The following CELF2 variants were observed in gnomAD, a reference collection of about 807,000 sequenced individuals.
CELF2 encodes the protein CUG triplet repeat RNA-binding protein 2.
A neutral mutation model predicts 62.6 loss-of-function variants in CELF2; 8 were observed. That is an observed-to-expected ratio of 0.13 (90% CI 0.07 to 0.23). The LOEUF (loss-of-function observed/expected upper bound fraction) is 0.23, where lower values mean the gene tolerates loss of function less well. CELF2 is among the 10% of genes least tolerant of loss of function. The pLI is 1.00. For synonymous variants in CELF2, 258 were observed against 250.0 expected (o/e 1.03, Z -0.30); for missense variants, 333 against 671.0 (o/e 0.50, Z 5.56).
chr10:10,566,540 G>T, the CELF2 span, among the ~76,000 whole-genome samples: 1 of 150,576 alleles, frequency 6.6e-6, no homozygotes, highest in Non-Finnish European at 1.5e-5. Flanking sequence ...CTAGCATTAG[G>T]TATATCTCCC....
the CELF2 span, among the ~76,000 whole-genome samples, chr10:10,556,804 T>C: frequency 4.6e-5 from 7 of 151,998 alleles, no homozygotes; most frequent in Non-Finnish European, 8.8e-5. Flanking sequence ...CATTTTTTCA[T>C]GTGTCTTTTG....
the CELF2 span, among the ~76,000 whole-genome samples, chr10:10,693,272 TG>T: frequency 7.4e-6 from 1 of 134,432 alleles, no homozygotes; most frequent in Non-Finnish European, 1.6e-5. Context: ...GATAATCATG[TG>T]GTTTTTGTCT....
the CELF2 span, among the ~76,000 whole-genome samples, chr10:10,595,569 G>A: frequency 7.9e-5 from 12 of 152,240 alleles, no homozygotes; most frequent in African/African-American, 1.9e-4. Context: ...GTGCCATGTC[G>A]GTTTACTACT....
At chr10:11,016,613 ATT>A (rs1424958341), upstream of CELF2, among the ~76,000 whole-genome samples, 11 of 152,292 alleles carry the variant, frequency 7.2e-5, no homozygotes, top group Admixed American at 7.2e-4. The surrounding 1 kb of genome is among the most constrained non-coding windows in gnomAD (Gnocchi z 5.2). Flanking sequence ...TTAAAATCAT[ATT>A]TTGTCTATAT....
At chr10:10,948,820 T>A (rs116527343) in intron 2 of CELF2, among the ~76,000 whole-genome samples, 311 of 152,284 alleles carry the variant, frequency 2.0e-3, no homozygotes, top group African/African-American at 6.8e-3. Flanking sequence ...CTCTCCATGG[T>A]CCTTCTTATC....
rs919670642 is a variant in CELF2, at chr10:11,012,416, A to G, written c.53+6976A>G. 6.6e-6 allele frequency among the ~76,000 whole-genome samples: 1 copy of G among 152,208 alleles called. No homozygotes were observed. Among genetic ancestry groups the G allele is most frequent in the Non-Finnish European group, 1.5e-5 (1 of 68,038 alleles). On this transcript the variant is annotated intron_variant, in intron 1 of 12. Coordinates refer to the CELF2 transcript ENST00000416382. The surrounding 1 kb of genome is among the most constrained non-coding windows in gnomAD (Gnocchi z 5.5). ...GTATTTGTTCAGAAAAAGGACAGAC[A>G]TTCAGGCACATGGGCTGTCATGCCC...
the CELF2 span, among the ~76,000 whole-genome samples, chr10:10,651,694 A>G: frequency 5.8e-3 from 867 of 150,470 alleles, 11 homozygotes; most frequent in African/African-American, 0.019. Flanking sequence ...CAAACAGAAA[A>G]GACATCTACA....
intron 1 of CELF2, among the ~76,000 whole-genome samples, chr10:11,044,081 G>A (rs2062361016): frequency 6.6e-6 from 1 of 152,180 alleles, no homozygotes; most frequent in South Asian, 2.1e-4. Flanking sequence ...CTTCTTCTAA[G>A]AATCTACTTA....
chr10:11,258,175 G>A lies in CELF2; in HGVS notation c.538+303G>A, dbSNP rs180851218. On this transcript the variant is annotated intron_variant, in intron 5 of 12. Transcript: ENST00000633077. ...TATTGAAATGGATTTGGTGGGGGGA[G>A]GTGCAAGAAGGAGAAGTAGAAAATG... Among the ~76,000 whole-genome samples the A allele has an allele frequency of 3.3e-5, 5 of 152,294 alleles. No homozygotes were observed. The East Asian group carries it at 9.6e-4, about 29-fold the overall frequency.
At chr10:10,786,809 C>A in the CELF2 span, 1 of 152,152 alleles carries the variant, frequency 6.6e-6, no homozygotes, top group Non-Finnish European at 1.5e-5. Context: ...CCATTCTCTA[C>A]CTCCTGCCTC....
chr10:11,215,594 T>TGC (rs2063140223), intron 2 of CELF2, among the ~76,000 whole-genome samples: 2 of 145,436 alleles, frequency 1.4e-5, no homozygotes. Flanking sequence ...GATTCTGCTT[T>TGC]TTTTTTTTTT....
intron 2 of CELF2, among the ~76,000 whole-genome samples, chr10:11,216,221 A>G (rs1218974153): frequency 6.6e-6 from 1 of 152,216 alleles, no homozygotes; most frequent in Non-Finnish European, 1.5e-5. Flanking sequence ...AATCAAGTGT[A>G]AAATGACAAG....
At chr10:11,313,357 G>A (rs2094692319) in intron 9 of CELF2, among the ~76,000 whole-genome samples, 1 of 152,164 alleles carries the variant, frequency 6.6e-6, no homozygotes, top group Non-Finnish European at 1.5e-5. Flanking sequence ...TCCAGTAACT[G>A]ACAGATCAGG....
At chr10:10,525,761 C>A in the CELF2 span, among the ~76,000 whole-genome samples, 6 of 152,206 alleles carry the variant, frequency 3.9e-5, no homozygotes, top group Admixed American at 3.9e-4. Flanking sequence ...GATTCCGTAT[C>A]TTTCCTGTTG....
chr10:10,805,729 G>T (rs936065204), intron 1 of CELF2, among the ~76,000 whole-genome samples: 1 of 152,160 alleles, frequency 6.6e-6, no homozygotes, highest in Non-Finnish European at 1.5e-5. Flanking sequence ...AGAGGAGCCC[G>T]GCTGGAGTTT....
At chr10:10,863,358 A>G (rs2060157130) in intron 1 of CELF2, among the ~76,000 whole-genome samples, 1 of 152,256 alleles carries the variant, frequency 6.6e-6, no homozygotes, top group Non-Finnish European at 1.5e-5. Flanking sequence ...CCTACAGATC[A>G]GCACTTGTTT....
At chr10:11,229,327 C>T (rs948703126) in intron 3 of CELF2, among the ~76,000 whole-genome samples, 2 of 152,182 alleles carry the variant, frequency 1.3e-5, no homozygotes, top group Non-Finnish European at 2.9e-5. Context: ...TTTCTCATTT[C>T]CATTCTCTGG....
At chr10:10,745,163 A>G in the CELF2 span, among the ~76,000 whole-genome samples, 1 of 151,504 alleles carries the variant, frequency 6.6e-6, no homozygotes, top group Admixed American at 6.6e-5. Flanking sequence ...AACTGAAGAG[A>G]CATTTGAAAA....
At chr10:11,033,589 G>T (rs7068732) in intron 1 of CELF2, among the ~76,000 whole-genome samples, 58,720 of 152,048 alleles carry the variant, frequency 0.39, 11,950 homozygotes, top group East Asian at 0.76. Flanking sequence ...TATTTGTTGA[G>T]GCATCTGACT....
Sources: allele counts gnomAD v4.1 joint callset (sites outside exome capture counted in the v4.1 genomes callset), GRCh38; gene constraint gnomAD v4.1.1; non-coding constraint Gnocchi (gnomAD v3.1); transcripts MANE v1.5; gene names NCBI Gene and HGNC (gene_info 2026-07-23, HGNC 2026-07-21).